The following COTL1 variants were observed in gnomAD, a reference collection of about 807,000 sequenced individuals.
COTL1 encodes coactosin like F-actin binding protein 1.
COTL1 carries 15 observed loss-of-function variants against 16.5 expected under a neutral mutation model. That is an observed-to-expected ratio of 0.91 (90% CI 0.61 to 1.40). The LOEUF (loss-of-function observed/expected upper bound fraction) is 1.40. COTL1 is among the 40% of genes most tolerant of loss of function. The probability of loss-of-function intolerance (pLI) is 0.00; values close to 1 mark genes in which losing one functional copy is unlikely to be tolerated. For missense variants in COTL1, 220 were observed against 201.5 expected (o/e 1.09, Z -0.56); for synonymous variants, 112 against 85.3 (o/e 1.31, Z -1.73).
chr16:84,582,599 G>T (rs764476085), intron 3 of COTL1, among the ~76,000 whole-genome samples: 2 of 152,108 alleles, frequency 1.3e-5, no homozygotes, highest in Non-Finnish European at 2.9e-5. Context: ...ATACTATCTA[G>T]ACCATAGTAG....
At chr16:84,593,736 T>C (rs1349756516) in intron 2 of COTL1, among the ~76,000 whole-genome samples, 2 of 152,140 alleles carry the variant, frequency 1.3e-5, no homozygotes, top group Non-Finnish European at 2.9e-5. Context: ...CCTGACCTCG[T>C]GATCCGCCCA....
rs762527733 is a variant in COTL1, at chr16:84,590,224, C to T, written c.199G>A (p.Gly67Arg). Residue 67 changes from glycine (G) to arginine (R), a missense_variant, in exon 3 of 4, where the codon GGG becomes AGG. Transcript: ENST00000262428. This position sits in a 1 kb window ranked among gnomAD's most constrained non-coding sequence, Gnocchi z 5.5. ...RLFAFVRFTT[G>R]DAMSKRSKFA... Reference sequence around the variant, plus strand: ...TTGGACCTCTTGCTCATGGCATCCCCGGTGGTGAAGCGCACGAAGGCAAAC... The same window carrying T: ...TTGGACCTCTTGCTCATGGCATCCCTGGTGGTGAAGCGCACGAAGGCAAAC... 4.3e-6 allele frequency: 7 copies of T among 1,614,144 alleles called. No individual in the cohort carries two copies. The highest frequency in any genetic ancestry group is 1.7e-5 in the Admixed American group (1 of 60,022).
At chr16:84,595,696 C>T (rs908452003) in intron 2 of COTL1, 11 of 152,130 alleles carry the variant, frequency 7.2e-5, no homozygotes, top group African/African-American at 1.9e-4. Flanking sequence ...CACAGAGAAA[C>T]GCTGTCCTGT....
chr16:84,589,294 C>G (rs553228176), intron 3 of COTL1, among the ~76,000 whole-genome samples: 2 of 152,176 alleles, frequency 1.3e-5, no homozygotes, highest in Admixed American at 6.5e-5. Flanking sequence ...TGTTTTTAAA[C>G]GTTTGTTTTA....
Position 84,595,626 on chromosome 16 carries a change from C to T in COTL1, c.161-5364G>A, listed in dbSNP as rs892085411. On this transcript the variant is annotated intron_variant, in intron 2 of 3. Transcript: ENST00000262428. ...AGCAGTGGGGAGCCCTAGGCTCCCTCGTCTATGTCGGGCTATTGTCACTCC... is the reference window on the plus strand; with the variant it reads ...AGCAGTGGGGAGCCCTAGGCTCCCTTGTCTATGTCGGGCTATTGTCACTCC... 1.3e-5 allele frequency: 2 copies of T among 152,208 alleles called. 1 individual carries two copies. Among genetic ancestry groups the T allele is most frequent in the Admixed American group, 1.3e-4 (2 of 15,286 alleles). The allele number at this position is 152,208 out of a possible 1,614,324, so 9.4% of individuals were successfully genotyped here.
Position 84,590,376 on chromosome 16 carries a change from G to T in COTL1, c.161-114C>A. 8.0e-7 allele frequency: 1 copy of T among 1,254,132 alleles called. No individual in the cohort carries two copies. The highest frequency in any genetic ancestry group is 1.1e-6 in the Non-Finnish European group (1 of 902,822). 77.7% of individuals were successfully genotyped at this position (1,254,132 alleles called of 1,614,324 possible). ...GCCTGGAGCAGCACAGCAGGAGACC[G>T]GTGCAGTTCCCTGGGAGCACCATGT... On this transcript the variant is annotated intron_variant, in intron 2 of 3. Transcript: ENST00000262428. The surrounding 1 kb of genome is among the most constrained non-coding windows in gnomAD (Gnocchi z 5.5).
In COTL1 at chr16:84,566,500, C is replaced by T. The variant is rs1000303334; in HGVS notation, c.*345G>A. Reference sequence around the variant, plus strand: ...AGATCTCACTAGGCAGACCTCGTCGCGTGGAAGAGAAATGCCAGGAAAAGG... The same window carrying T: ...AGATCTCACTAGGCAGACCTCGTCGTGTGGAAGAGAAATGCCAGGAAAAGG... On this transcript the variant is annotated 3_prime_UTR_variant, in exon 4 of 4. Coordinates refer to ENST00000262428, the MANE Select transcript of COTL1 (RefSeq NM_021149.5). 9.8e-6 allele frequency: 2 copies of T among 204,446 alleles called. No homozygotes were observed. Among genetic ancestry groups the T allele is most frequent in the Admixed American group, 1.2e-4 (2 of 16,884 alleles). 12.7% of individuals were successfully genotyped at this position (204,446 alleles called of 1,614,324 possible).
chr16:84,591,230 C>A (rs1904853258), intron 2 of COTL1, among the ~76,000 whole-genome samples: 1 of 148,562 alleles, frequency 6.7e-6, no homozygotes, highest in African/African-American at 2.5e-5. Flanking sequence ...GTCGCCCAGG[C>A]TGAAGTGCAG....
rs764195646 is a variant in COTL1 at position 84,603,240 on chromosome 16, G to A, written c.161-12978C>T. On this transcript the variant is annotated intron_variant, in intron 2 of 3. Transcript: ENST00000262428. ...CAAGCCTGCGCACACCAGCCCCCAC[G>A]GGGACAGCTGACTCACTTTACTCTT... Among the ~76,000 whole-genome samples, 7 of 152,294 alleles carry A rather than the reference G, an allele frequency of 4.6e-5. No individual in the cohort carries two copies. In the South Asian group the frequency reaches 1.0e-3, roughly 23 times the overall value.
At chr16:84,600,100 G>A (rs1307580966) in intron 2 of COTL1, among the ~76,000 whole-genome samples, 1 of 152,128 alleles carries the variant, frequency 6.6e-6, no homozygotes, top group African/African-American at 2.4e-5. Flanking sequence ...ATTACTAAGA[G>A]GCCTGATATC....
intron 3 of COTL1, among the ~76,000 whole-genome samples, chr16:84,571,931 G>A (rs1454620150): frequency 6.6e-6 from 1 of 152,196 alleles, no homozygotes; most frequent in African/African-American, 2.4e-5. Flanking sequence ...CCTACACGGG[G>A]TGCTCCCAAG....
At chr16:84,583,687 T>C (rs1189682714) in intron 3 of COTL1, among the ~76,000 whole-genome samples, 4 of 152,154 alleles carry the variant, frequency 2.6e-5, no homozygotes, top group African/African-American at 7.2e-5. Context: ...CTCCAACTCC[T>C]GGGCTCAAGC....
At chr16:84,572,330 A>G (rs1904351791) in intron 3 of COTL1, among the ~76,000 whole-genome samples, 1 of 152,180 alleles carries the variant, frequency 6.6e-6, no homozygotes, top group South Asian at 2.1e-4. Flanking sequence ...ACACCTCAAG[A>G]CACAGCACTT....
chr16:84,579,079 C>A (rs1301188309), intron 3 of COTL1, among the ~76,000 whole-genome samples: 2 of 147,522 alleles, frequency 1.4e-5, no homozygotes, highest in African/African-American at 5.0e-5. Context: ...ACACACACAT[C>A]CACTCCCACA....
intron 3 of COTL1, among the ~76,000 whole-genome samples, chr16:84,584,982 G>T (rs1904684042): frequency 6.6e-6 from 1 of 152,128 alleles, no homozygotes; most frequent in Non-Finnish European, 1.5e-5. Flanking sequence ...CCTTGGCAAA[G>T]TAAAATAAGG....
intron 3 of COTL1, among the ~76,000 whole-genome samples, chr16:84,572,369 C>A (rs914488661): frequency 3.9e-5 from 6 of 152,198 alleles, no homozygotes; most frequent in African/African-American, 1.4e-4. Context: ...CCAACACCCA[C>A]GGGGGCAGGG....
intron 3 of COTL1, among the ~76,000 whole-genome samples, chr16:84,589,174 C>T: frequency 6.6e-6 from 1 of 151,946 alleles, no homozygotes; most frequent in East Asian, 2.0e-4. Flanking sequence ...TGGGGTCTCA[C>T]TATGTTGCCC....
Position 84,590,122 on chromosome 16 carries a change from C to T in COTL1, c.301G>A (p.Val101Met), listed in dbSNP as rs758064730. Residue 101 changes from valine to methionine, a missense_variant, in exon 3 of 4, where the codon GTG (valine) becomes ATG (methionine). Physicochemically the swap from Val to Met is conservative, Grantham distance 21 (BLOSUM62 1). Coordinates refer to ENST00000262428, the MANE Select transcript of COTL1 (RefSeq NM_021149.5). The surrounding 1 kb of genome is among the most constrained non-coding windows in gnomAD (Gnocchi z 5.5). ...CTCAGTACCTGTACGACCTCCTTCA[C>T]CAGGGTCTTGTCCGTCCCGGTTTTG... ...RAKTGTDKTLVKEVVQNFAKE... is the reference protein window; with the variant it reads ...RAKTGTDKTLMKEVVQNFAKE... 6.8e-6 allele frequency: 11 copies of T among 1,613,860 alleles called. No homozygotes were observed. In the East Asian group the frequency reaches 2.0e-4, roughly 29 times the overall value.
At chr16:84,599,655 G>A (rs995095248) in intron 2 of COTL1, among the ~76,000 whole-genome samples, 4 of 152,214 alleles carry the variant, frequency 2.6e-5, no homozygotes, top group African/African-American at 9.7e-5. Context: ...AAAGGGGGAA[G>A]GGGAGGACAG....
Sources: gnomAD v4.1 joint callset for allele counts (sites outside exome capture counted in the v4.1 genomes callset) on GRCh38, gnomAD v4.1.1 for gene constraint, Gnocchi (gnomAD v3.1) non-coding constraint, MANE v1.5 for transcripts, NCBI Gene and HGNC (gene_info 2026-07-23, HGNC 2026-07-21) for gene names.